OXCT1: variants seen among roughly 807,000 people sequenced by gnomAD.
The protein encoded by OXCT1 is succinyl-CoA:3-ketoacid coenzyme A transferase 1, mitochondrial.
A neutral mutation model predicts 69.6 loss-of-function variants in OXCT1; 27 were observed. That is an observed-to-expected ratio of 0.39 (90% CI 0.29 to 0.54). The LOEUF is 0.54. Ranked by LOEUF, OXCT1 falls within the 20% of genes least tolerant of loss-of-function variation. The pLI is 0.72. For synonymous variants in OXCT1, 202 were observed against 217.8 expected (o/e 0.93, Z 0.64); for missense variants, 437 against 650.2 (o/e 0.67, Z 3.57).
chr5:41,815,155 G>A (rs1029306547), intron 7 of OXCT1, among the ~76,000 whole-genome samples: 1 of 151,834 alleles, frequency 6.6e-6, no homozygotes, highest in Non-Finnish European at 1.5e-5. Context: ...TACAACATCT[G>A]ACCCATAATG....
At chr5:41,752,292 G>A (rs1478670654) in intron 14 of OXCT1, among the ~76,000 whole-genome samples, 1 of 151,962 alleles carries the variant, frequency 6.6e-6, no homozygotes, top group Non-Finnish European at 1.5e-5. Context: ...GATCATTGTA[G>A]GAATCAAATG....
chr5:41,835,998 C>T (rs1334312026), intron 7 of OXCT1, among the ~76,000 whole-genome samples: 1 of 152,116 alleles, frequency 6.6e-6, no homozygotes, highest in Non-Finnish European at 1.5e-5. Flanking sequence ...GTAGGTTATG[C>T]ACACAGAAGA....
At chr5:41,807,257 C>A in intron 8 of OXCT1, 74 bp downstream of exon 8, 1 of 838,458 alleles carries the variant, frequency 1.2e-6, no homozygotes, top group Non-Finnish European at 2.1e-6. Flanking sequence ...TCCCCATCAT[C>A]TCGAATGGCC....
intron 13 of OXCT1, among the ~76,000 whole-genome samples, chr5:41,776,499 T>G (rs1437756371): frequency 2.0e-5 from 3 of 152,256 alleles, no homozygotes; most frequent in Non-Finnish European, 4.4e-5. Context: ...AAAATGGTTC[T>G]CAGATTTCCC....
intron 5 of OXCT1, among the ~76,000 whole-genome samples, chr5:41,845,949 T>A (rs1748879516): frequency 1.3e-5 from 2 of 152,108 alleles, no homozygotes. Flanking sequence ...GTACAAAATA[T>A]GCTTATGTAG....
chr5:41,811,971 T>C (rs2112297544), intron 7 of OXCT1, among the ~76,000 whole-genome samples: 1 of 152,094 alleles, frequency 6.6e-6, no homozygotes. Flanking sequence ...GATATAGATG[T>C]TATATTTGTA....
At chr5:41,772,059 C>A (rs1744894494) in intron 13 of OXCT1, among the ~76,000 whole-genome samples, 1 of 152,166 alleles carries the variant, frequency 6.6e-6, no homozygotes, top group East Asian at 1.9e-4. Context: ...GGAAAAACAT[C>A]ATTTATGTGT....
chr5:41,775,693 CTGTCTG>C lies in OXCT1; in HGVS notation c.1249-13499_1249-13494del, dbSNP rs1436110030. Among the ~76,000 whole-genome samples the C allele has an allele frequency of 2.0e-5, 3 of 152,258 alleles. No homozygotes were observed. In the East Asian group the frequency reaches 5.8e-4, roughly 29 times the overall value. On this transcript the variant is annotated intron_variant, in intron 13 of 16. Coordinates refer to ENST00000196371, the MANE Select transcript of OXCT1 (RefSeq NM_000436.4). ...TCCAACCCTCTAATCATGTCTTGGTCTGTCTGGCAAACAGCTCCATATTGAAGCTAC... is the reference window on the plus strand; with the variant it reads ...TCCAACCCTCTAATCATGTCTTGGTCGCAAACAGCTCCATATTGAAGCTAC...
chr5:41,853,659 T>C (rs777746416), intron 3 of OXCT1, 105 bp from the exon 4 acceptor site: 19 of 1,248,568 alleles, frequency 1.5e-5, no homozygotes, highest in Admixed American at 1.2e-4. Flanking sequence ...ATAAATCCTT[T>C]CTTATAGGCA....
chr5:41,767,730 A>G (rs1003942078), intron 13 of OXCT1, among the ~76,000 whole-genome samples: 2 of 92,566 alleles, frequency 2.2e-5, no homozygotes, highest in African/African-American at 7.5e-5. Flanking sequence ...GTGTATATAT[A>G]TATATATATA....
At chr5:41,796,637 C>A (rs960801198) in intron 11 of OXCT1, among the ~76,000 whole-genome samples, 15 of 152,100 alleles carry the variant, frequency 9.9e-5, no homozygotes, top group African/African-American at 3.6e-4. Context: ...AAATATATAT[C>A]TCTCGAGGGA....
Position 41,753,203 on chromosome 5 carries a change from GTGCT to G in OXCT1, c.1339-3600_1339-3597del, listed in dbSNP as rs764320037. 7.9e-5 allele frequency among the ~76,000 whole-genome samples: 12 copies of G among 151,844 alleles called. 1 individual carries two copies. The South Asian group carries it at 8.3e-4, about 11-fold the overall frequency. On this transcript the variant is annotated intron_variant, in intron 14 of 16. Coordinates refer to ENST00000196371, the MANE Select transcript of OXCT1 (RefSeq NM_000436.4). ...ACATTCACCTGAAATCTTTAAGACTGTGCTTTATACAAAACCTCATTTCATGCTC... is the reference window on the plus strand; with the variant it reads ...ACATTCACCTGAAATCTTTAAGACTGTTATACAAAACCTCATTTCATGCTC...
At chr5:41,826,628 C>T (rs1168215674) in intron 7 of OXCT1, among the ~76,000 whole-genome samples, 1 of 142,650 alleles carries the variant, frequency 7.0e-6, no homozygotes, top group Non-Finnish European at 1.5e-5. Context: ...ATCTCATATT[C>T]TGTTCAAAAA....
chr5:41,799,640 G>A (rs978764732), intron 11 of OXCT1, among the ~76,000 whole-genome samples: 1 of 152,156 alleles, frequency 6.6e-6, no homozygotes, highest in African/African-American at 2.4e-5. Flanking sequence ...TATTCATTTT[G>A]CAAATAACTC....
intron 15 of OXCT1, among the ~76,000 whole-genome samples, chr5:41,740,933 T>C (rs932555315): frequency 5.3e-5 from 8 of 150,578 alleles, no homozygotes; most frequent in Admixed American, 1.3e-4. Context: ...AATTCAACTA[T>C]TATTTGCAGG....
intron 13 of OXCT1, among the ~76,000 whole-genome samples, chr5:41,786,897 G>A (rs1490862172): frequency 6.6e-6 from 1 of 152,138 alleles, no homozygotes; most frequent in East Asian, 1.9e-4. Context: ...AGCAACACTG[G>A]AATTTGAAGA....
At chr5:41,864,592 C>T (rs1293304444) in intron 1 of OXCT1, among the ~76,000 whole-genome samples, 16 of 152,176 alleles carry the variant, frequency 1.1e-4, no homozygotes. Flanking sequence ...ATCTCCTAGA[C>T]ACACTTAAAA....
chr5:41,847,768 T>C (rs1317391054), intron 5 of OXCT1, among the ~76,000 whole-genome samples: 1 of 152,176 alleles, frequency 6.6e-6, no homozygotes, highest in African/African-American at 2.4e-5. Context: ...TAGGTATTGA[T>C]GGGACATATC....
intron 7 of OXCT1, among the ~76,000 whole-genome samples, chr5:41,814,274 A>C (rs2112305427): frequency 6.6e-6 from 1 of 152,294 alleles, no homozygotes; most frequent in East Asian, 1.9e-4. Flanking sequence ...AACTGAATGA[A>C]CTTCAGCAGG....
Sources: gnomAD v4.1 joint callset for allele counts (sites outside exome capture counted in the v4.1 genomes callset) on GRCh38, gnomAD v4.1.1 for gene constraint, MANE v1.5 for transcripts, NCBI Gene and HGNC (gene_info 2026-07-23, HGNC 2026-07-21) for gene names.